The following KALRN variants were observed in gnomAD, a reference collection of about 807,000 sequenced individuals.
KALRN encodes kalirin RhoGEF kinase, also known as kalirin.
KALRN carries 70 observed loss-of-function variants against 353.7 expected under a neutral mutation model. That is an observed-to-expected ratio of 0.20 (90% CI 0.16 to 0.24). The LOEUF is 0.24. KALRN is among the 10% of genes least tolerant of loss of function. The pLI, the probability that KALRN is intolerant of heterozygous loss-of-function variation, is 1.00. For missense variants in KALRN, 2,791 were observed against 3,756.7 expected, an observed-to-expected ratio of 0.74 and a Z score of 6.72; for synonymous variants, 1,391 against 1,434.8, an observed-to-expected ratio of 0.97 and a Z score of 0.69.
intron 1 of KALRN, among the ~76,000 whole-genome samples, chr3:124,072,510 G>A (rs2060066614): frequency 6.6e-6 from 1 of 152,180 alleles, no homozygotes. Flanking sequence ...CTGGCCCAGG[G>A]TAATTTAGCC....
chr3:124,389,230 T>C lies in KALRN; in HGVS notation c.1962+4194T>C, dbSNP rs1019909558. ...TGTAAAAGAATGTCCTCATAGTCTA[T>C]AATTTTCAGGGAATGAAAGCCCCTT... On this transcript the variant is annotated intron_variant, in intron 11 of 59. Coordinates refer to ENST00000682506, the MANE Select transcript of KALRN (RefSeq NM_001388419.1). 2.0e-5 allele frequency among the ~76,000 whole-genome samples: 3 copies of C among 152,280 alleles called. No individual in the cohort carries two copies. In the South Asian group the frequency reaches 6.2e-4, roughly 32 times the overall value.
intron 38 of KALRN, 46 bp downstream of exon 38, chr3:124,650,984 G>T (rs768018983): frequency 3.1e-6 from 5 of 1,604,650 alleles, no homozygotes; most frequent in Non-Finnish European, 4.3e-6. Context: ...ATGTGAGTGC[G>T]GTGGACAATG....
intron 1 of KALRN, among the ~76,000 whole-genome samples, chr3:124,138,687 G>T (rs1021849641): frequency 1.3e-5 from 2 of 152,224 alleles, no homozygotes; most frequent in Non-Finnish European, 2.9e-5. Context: ...CGGGCCTTTT[G>T]GTCTTCATAG....
intron 3 of KALRN, among the ~76,000 whole-genome samples, chr3:124,237,905 A>T (rs1175091386): frequency 6.6e-6 from 1 of 152,184 alleles, no homozygotes; most frequent in Non-Finnish European, 1.5e-5. Context: ...ACAAATAAGG[A>T]TAAGTGAGTG....
At chr3:124,616,339 C>T (rs968431924) in intron 34 of KALRN, among the ~76,000 whole-genome samples, 13 of 152,170 alleles carry the variant, frequency 8.5e-5, no homozygotes, top group African/African-American at 3.1e-4. Flanking sequence ...GGCCAGGCTT[C>T]CCACTGGCTT....
chr3:124,662,601 G>T (rs2085037404), intron 45 of KALRN, among the ~76,000 whole-genome samples: 1 of 152,144 alleles, frequency 6.6e-6, no homozygotes, highest in Non-Finnish European at 1.5e-5. Flanking sequence ...TCAGTTAAAT[G>T]AATAGTTAAA....
chr3:124,166,622 G>A (rs1188916785), intron 1 of KALRN, among the ~76,000 whole-genome samples: 3 of 152,130 alleles, frequency 2.0e-5, no homozygotes, highest in East Asian at 3.8e-4. Context: ...CCAGGAGTCC[G>A]TTCAGCATAT....
At chr3:124,406,078 A>G (rs1312967704) in intron 13 of KALRN, among the ~76,000 whole-genome samples, 1 of 152,214 alleles carries the variant, frequency 6.6e-6, no homozygotes. Context: ...CAATTACAGC[A>G]TTTTTGCAAT....
At chr3:124,428,500 A>G (rs2093128256) in intron 15 of KALRN, among the ~76,000 whole-genome samples, 1 of 152,186 alleles carries the variant, frequency 6.6e-6, no homozygotes, top group East Asian at 1.9e-4. Context: ...CCAGGTAAGT[A>G]AAAAAGCCAG....
At chr3:124,386,380 T>C (rs9813312) in intron 11 of KALRN, among the ~76,000 whole-genome samples, 2,181 of 152,190 alleles carry the variant, frequency 0.014, 46 homozygotes, top group African/African-American at 0.049. Context: ...ACAGGAGTCA[T>C]GTTCCTCATG....
intron 55 of KALRN, among the ~76,000 whole-genome samples, chr3:124,698,973 G>A (rs2062191552): frequency 6.6e-6 from 1 of 152,120 alleles, no homozygotes; most frequent in African/African-American, 2.4e-5. Flanking sequence ...CAATTACTCT[G>A]AATAACATTA....
chr3:124,079,887 A>T, intron 1 of KALRN: 2 of 286,798 alleles, frequency 7.0e-6, no homozygotes, highest in Non-Finnish European at 1.5e-5. Context: ...TCATCTATAT[A>T]ATAAGCTTTC....
At chr3:124,703,567 C>A (rs1616515) in intron 57 of KALRN, among the ~76,000 whole-genome samples, 49,531 of 151,322 alleles carry the variant, frequency 0.33, 8,096 homozygotes, top group African/African-American at 0.38. Context: ...AGCAATCCTC[C>A]TACCTCAGCC....
Position 124,450,206 on chromosome 3 carries a change from C to T in KALRN, c.3552+3321C>T, listed in dbSNP as rs1219486243. Among the ~76,000 whole-genome samples, 3 of 152,198 alleles carry T rather than the reference C, an allele frequency of 2.0e-5. 1 individual carries two copies. The highest frequency in any genetic ancestry group is 4.4e-5 in the Non-Finnish European group (3 of 68,040). ...CAGTTTCTCCACATCCTCACCAACA[C>T]TTGTTACTGTGTCTTTTTATATAGC... On this transcript the variant is annotated intron_variant, in intron 21 of 59. Coordinates refer to ENST00000682506, the MANE Select transcript of KALRN (RefSeq NM_001388419.1).
chr3:124,676,556 A>T (rs2087215632), intron 49 of KALRN, among the ~76,000 whole-genome samples: 1 of 151,748 alleles, frequency 6.6e-6, no homozygotes, highest in Non-Finnish European at 1.5e-5. Flanking sequence ...CATTTATACT[A>T]CTCTCAGTCT....
chr3:124,382,189 G>A (rs529181203), intron 10 of KALRN, among the ~76,000 whole-genome samples: 13 of 152,296 alleles, frequency 8.5e-5, no homozygotes, highest in African/African-American at 3.1e-4. Context: ...AGGATTAAAG[G>A]AGATAGCATG....
At chr3:124,212,921 A>T (rs1297154738) in intron 1 of KALRN, among the ~76,000 whole-genome samples, 1 of 151,770 alleles carries the variant, frequency 6.6e-6, no homozygotes, top group Non-Finnish European at 1.5e-5. Context: ...TGAAATGTAT[A>T]TTTATATTCT....
At chr3:124,265,484 G>T (rs1211016638) in intron 4 of KALRN, among the ~76,000 whole-genome samples, 1 of 150,286 alleles carries the variant, frequency 6.7e-6, no homozygotes, top group African/African-American at 2.5e-5. Flanking sequence ...GTAGAGATAG[G>T]GTTTCATCAT....
At chr3:124,515,966 C>A (rs979042642) in intron 33 of KALRN, among the ~76,000 whole-genome samples, 2 of 152,184 alleles carry the variant, frequency 1.3e-5, no homozygotes, top group African/African-American at 4.8e-5. Context: ...TTCAGTATCA[C>A]CCATATGAGT....
Sources: allele counts gnomAD v4.1 joint callset (sites outside exome capture counted in the v4.1 genomes callset), GRCh38; gene constraint gnomAD v4.1.1; transcripts MANE v1.5; gene names NCBI Gene and HGNC (gene_info 2026-07-23, HGNC 2026-07-21).